TPP2: variants seen among roughly 807,000 people sequenced by gnomAD.
The protein encoded by TPP2 is tripeptidyl-peptidase 2.
Under a neutral mutation model 155.9 loss-of-function variants are expected in TPP2, and 34 were observed. The observed-to-expected ratio is 0.22, with a 90% CI of 0.17 to 0.29. The LOEUF is 0.29. Ranked by LOEUF, TPP2 falls within the 10% of genes least tolerant of loss-of-function variation. The pLI, the probability that TPP2 is intolerant of heterozygous loss-of-function variation, is 1.00. For synonymous variants in TPP2, 510 were observed against 529.4 expected, an observed-to-expected ratio of 0.96 and a Z score of 0.50; for missense variants, 1,028 against 1,522.3, an observed-to-expected ratio of 0.68 and a Z score of 5.40.
At chr13:102,620,257 A>G (rs1345797984) in intron 5 of TPP2, among the ~76,000 whole-genome samples, 2 of 152,198 alleles carry the variant, frequency 1.3e-5, no homozygotes, top group Admixed American at 1.3e-4. Flanking sequence ...CAACTATTCT[A>G]AGGGTTTTGT....
intron 23 of TPP2, 94 bp from the exon 24 acceptor site, chr13:102,651,264 TG>T: frequency 7.1e-7 from 1 of 1,406,922 alleles, no homozygotes; most frequent in Non-Finnish European, 9.7e-7. Context: ...GTAACACAGG[TG>T]GAACATAAAC....
At chr13:102,670,586 A>G (rs548372760) in intron 27 of TPP2, among the ~76,000 whole-genome samples, 32 of 152,310 alleles carry the variant, frequency 2.1e-4, no homozygotes, top group African/African-American at 7.7e-4. Flanking sequence ...GGTCTGTGCA[A>G]TCCTGTTGCC....
chr13:102,643,636 T>C (rs1203357154), intron 17 of TPP2, among the ~76,000 whole-genome samples: 1 of 152,228 alleles, frequency 6.6e-6, no homozygotes, highest in Non-Finnish European at 1.5e-5. Context: ...TCGTGCCTTG[T>C]AGTTAGGACC....
chr13:102,620,175 T>C (rs1881052147), intron 5 of TPP2, among the ~76,000 whole-genome samples: 1 of 152,210 alleles, frequency 6.6e-6, no homozygotes, highest in Non-Finnish European at 1.5e-5. Flanking sequence ...AGGGTACCAG[T>C]GTGTGTTTCC....
chr13:102,654,076 A>G (rs1883685456), intron 24 of TPP2, among the ~76,000 whole-genome samples: 1 of 152,206 alleles, frequency 6.6e-6, no homozygotes, highest in Non-Finnish European at 1.5e-5. Context: ...TTTCTCAAGA[A>G]TAAAGGTACA....
At chr13:102,659,915 T>C (rs1359630039) in intron 25 of TPP2, among the ~76,000 whole-genome samples, 2 of 152,232 alleles carry the variant, frequency 1.3e-5, no homozygotes, top group Non-Finnish European at 2.9e-5. Flanking sequence ...TGTAATATTC[T>C]GTAATATGTA....
At chr13:102,629,062 G>C (rs574891367) in intron 8 of TPP2, among the ~76,000 whole-genome samples, 4 of 152,102 alleles carry the variant, frequency 2.6e-5, no homozygotes, top group Non-Finnish European at 5.9e-5. Flanking sequence ...TTGCTCTTAA[G>C]TTCTTCCTAG....
intron 24 of TPP2, among the ~76,000 whole-genome samples, chr13:102,656,362 G>C (rs1239887659): frequency 6.6e-6 from 1 of 152,118 alleles, no homozygotes; most frequent in East Asian, 1.9e-4. Flanking sequence ...AGAAGATACA[G>C]CTGTGCTTGC....
chr13:102,653,593 C>T lies in TPP2; in HGVS notation c.2991+2196C>T, dbSNP rs530943993. On this transcript the variant is annotated intron_variant, in intron 24 of 29. Coordinates refer to ENST00000376052, the MANE Select transcript of TPP2 (RefSeq NM_001330588.2). ...CTTTTTATAGAGAGAGGTCTTACTA[C>T]GTATGTTGCCCAAGGTGGTCTAAAA... Among the ~76,000 whole-genome samples, 61 of 152,088 alleles carry T rather than the reference C, an allele frequency of 4.0e-4. 1 individual carries two copies. Among genetic ancestry groups the T allele is most frequent in the Admixed American group, 5.9e-4 (9 of 15,276 alleles).
At chr13:102,601,711 C>T (rs545355594) in intron 1 of TPP2, among the ~76,000 whole-genome samples, 1 of 152,300 alleles carries the variant, frequency 6.6e-6, no homozygotes, top group Admixed American at 6.5e-5. Context: ...CAGCTTCCTC[C>T]TTTCCTTTAC....
chr13:102,654,490 ATTAATT>A (rs1883716865), intron 24 of TPP2, among the ~76,000 whole-genome samples: 1 of 152,158 alleles, frequency 6.6e-6, no homozygotes, highest in African/African-American at 2.4e-5. Context: ...TAAATCCTAA[ATTAATT>A]TTAATAGATT....
In TPP2 at chr13:102,603,788, A is replaced by T. The variant is rs546671333; in HGVS notation, c.166-1005A>T. On this transcript the variant is annotated intron_variant, in intron 1 of 29. Coordinates refer to ENST00000376052, the MANE Select transcript of TPP2 (RefSeq NM_001330588.2). ...ATGTCCTTTGAACTTCATGTCCATG[A>T]TTTTGGAGCATTTGGAATTTTCAGG... Among the ~76,000 whole-genome samples the T allele has an allele frequency of 2.4e-4, 36 of 152,222 alleles. 1 individual carries two copies. In the East Asian group the frequency reaches 6.9e-3, roughly 29 times the overall value.
chr13:102,634,873 C>G (rs1024142783), intron 11 of TPP2, among the ~76,000 whole-genome samples: 1 of 152,226 alleles, frequency 6.6e-6, no homozygotes, highest in Admixed American at 6.5e-5. Flanking sequence ...GTGTACTGCA[C>G]TCTGCCTCGA....
intron 5 of TPP2, among the ~76,000 whole-genome samples, chr13:102,622,284 G>A (rs1401975923): frequency 2.6e-5 from 4 of 152,126 alleles, no homozygotes; most frequent in South Asian, 4.1e-4. Flanking sequence ...TGAATATTAA[G>A]TGTATTTTGT....
At chr13:102,604,585 A>G (rs1050205470) in intron 1 of TPP2, among the ~76,000 whole-genome samples, 8 of 152,250 alleles carry the variant, frequency 5.3e-5, no homozygotes, top group East Asian at 1.9e-4. Flanking sequence ...TATTGAATAT[A>G]TGAAACGACT....
intron 27 of TPP2, chr13:102,667,620 A>G: frequency 2.2e-6 from 1 of 457,658 alleles, no homozygotes; most frequent in Non-Finnish European, 2.9e-6. Context: ...CAGTCAGTAC[A>G]AAACCTAAGG....
intron 6 of TPP2, among the ~76,000 whole-genome samples, chr13:102,625,528 T>A (rs1358794803): frequency 6.6e-6 from 1 of 152,156 alleles, no homozygotes; most frequent in East Asian, 1.9e-4. Context: ...CACCATGGTG[T>A]GTGAGAATTC....
chr13:102,640,178 T>C (rs951542662), intron 15 of TPP2, 92 bp from the exon 16 acceptor site: 119 of 962,678 alleles, frequency 1.2e-4, no homozygotes, highest in Non-Finnish European at 1.5e-4. Context: ...TTATTTCCAA[T>C]GAATTGTTAT....
At chr13:102,675,353 A>T (rs1885224435) in intron 28 of TPP2, among the ~76,000 whole-genome samples, 1 of 152,218 alleles carries the variant, frequency 6.6e-6, no homozygotes. Context: ...TTGAATCTGA[A>T]ATTAGAGCCC....
Sources: gnomAD v4.1 joint callset for allele counts (sites outside exome capture counted in the v4.1 genomes callset) on GRCh38, gnomAD v4.1.1 for gene constraint, MANE v1.5 for transcripts, NCBI Gene and HGNC (gene_info 2026-07-23, HGNC 2026-07-21) for gene names.